Variants in DOCK3 observed in about 807,000 individuals in gnomAD.
The protein encoded by DOCK3 is dedicator of cytokinesis protein 3.
In DOCK3, 60 loss-of-function variants were observed where a neutral mutation model predicts 265.6. The ratio of observed to expected loss-of-function variants is 0.23; its 90% CI spans 0.18 to 0.28. DOCK3 has a LOEUF of 0.28. Ranked by LOEUF, DOCK3 falls within the 10% of genes least tolerant of loss-of-function variation. DOCK3 has a pLI of 1.00. For synonymous variants in DOCK3, 881 were observed against 938.0 expected, an observed-to-expected ratio of 0.94 and a Z score of 1.11; for missense variants, 1,981 against 2,594.3, an observed-to-expected ratio of 0.76 and a Z score of 5.14.
chr3:50,743,477 C>A, intron 1 of DOCK3, among the ~76,000 whole-genome samples: 1 of 146,752 alleles, frequency 6.8e-6, no homozygotes, highest in African/African-American at 2.5e-5. Context: ...CACATAGGCT[C>A]AAAATAAAAG....
At chr3:51,115,274 G>A (rs6446118) in intron 9 of DOCK3, among the ~76,000 whole-genome samples, 137,230 of 152,240 alleles carry the variant, frequency 0.9, 62,045 homozygotes, top group African/African-American at 0.95. Flanking sequence ...GTGCGAAAGC[G>A]TCCCTATCTT....
At chr3:50,957,335 A>G (rs775539870) in intron 5 of DOCK3, among the ~76,000 whole-genome samples, 13 of 152,210 alleles carry the variant, frequency 8.5e-5, no homozygotes, top group Non-Finnish European at 1.5e-4. Flanking sequence ...GATATTTAAG[A>G]TAAAATAACT....
chr3:51,017,120 C>G (rs1181439366), intron 5 of DOCK3, among the ~76,000 whole-genome samples: 1 of 149,038 alleles, frequency 6.7e-6, no homozygotes, highest in Non-Finnish European at 1.5e-5. Context: ...TTGTATGTGT[C>G]TAGGAATTTA....
chr3:50,912,911 G>C (rs1465486445), intron 4 of DOCK3, among the ~76,000 whole-genome samples: 1 of 152,016 alleles, frequency 6.6e-6, no homozygotes, highest in South Asian at 2.1e-4. Context: ...TCCTGGAATC[G>C]AGGGCCCCTA....
chr3:51,026,433 G>GTTTTTTTTTTTTTTTTT (rs34722593), intron 5 of DOCK3, among the ~76,000 whole-genome samples: 2 of 140,228 alleles, frequency 1.4e-5, no homozygotes. Flanking sequence ...TTGGCCTGTA[G>GTTTTTTTTTTTTTTTTT]TTTTTTTTTT....
rs116587301 is a variant in DOCK3 at position 51,289,331 on chromosome 3, A to G, written c.2922+9127A>G. 6.6e-5 allele frequency among the ~76,000 whole-genome samples: 10 copies of G among 152,298 alleles called. No homozygotes were observed. In the South Asian group the frequency reaches 1.7e-3, roughly 25 times the overall value. On this transcript the variant is annotated intron_variant, in intron 27 of 52. Coordinates refer to ENST00000266037, the MANE Select transcript of DOCK3 (RefSeq NM_004947.5). ...TTAAAGTATAGAGTTTCTTTATGCA[A>G]TCAAAGTTGTTATCAGCCTAAAATG...
At chr3:50,722,589 T>C (rs906907957) in intron 1 of DOCK3, among the ~76,000 whole-genome samples, 4 of 152,072 alleles carry the variant, frequency 2.6e-5, no homozygotes, top group African/African-American at 9.7e-5. Context: ...AGACATGCCA[T>C]GAAGGAGGAT....
chr3:51,200,020 A>G (rs1341312449), intron 12 of DOCK3, among the ~76,000 whole-genome samples: 1 of 152,116 alleles, frequency 6.6e-6, no homozygotes, highest in East Asian at 1.9e-4. Flanking sequence ...CATCCACACC[A>G]AAAACCCATC....
chr3:50,784,700 T>C (rs2042096951), intron 2 of DOCK3, among the ~76,000 whole-genome samples: 1 of 152,254 alleles, frequency 6.6e-6, no homozygotes, highest in African/African-American at 2.4e-5. Flanking sequence ...CAGTGTTTTA[T>C]AGTTTTCCTT....
At chr3:51,231,168 G>T (rs2090533962) in intron 19 of DOCK3, among the ~76,000 whole-genome samples, 1 of 104,890 alleles carries the variant, frequency 9.5e-6, no homozygotes, top group Non-Finnish European at 1.7e-5. Flanking sequence ...TTGCCCTGTT[G>T]CTCAGGCTGG....
At chr3:50,808,774 T>C (rs372179023) in intron 2 of DOCK3, among the ~76,000 whole-genome samples, 2 of 152,218 alleles carry the variant, frequency 1.3e-5, no homozygotes, top group African/African-American at 4.8e-5. Flanking sequence ...CGTGGAGATA[T>C]ATCATCCACT....
At chr3:51,285,503 T>C (rs1447025475) in intron 27 of DOCK3, among the ~76,000 whole-genome samples, 1 of 151,374 alleles carries the variant, frequency 6.6e-6, no homozygotes, top group Non-Finnish European at 1.5e-5. Context: ...ATCATAGAGC[T>C]GAAGAATACT....
intron 5 of DOCK3, among the ~76,000 whole-genome samples, chr3:50,948,070 A>T (rs1319781329): frequency 3.0e-5 from 3 of 100,484 alleles, no homozygotes; most frequent in African/African-American, 3.6e-5. Flanking sequence ...TATTATTATT[A>T]TTTTGAGGCA....
chr3:51,140,751 T>G (rs1338607165), intron 9 of DOCK3, among the ~76,000 whole-genome samples: 1 of 152,186 alleles, frequency 6.6e-6, no homozygotes, highest in African/African-American at 2.4e-5. Flanking sequence ...CATTTCCTTG[T>G]CAGCACTTAT....
intron 3 of DOCK3, among the ~76,000 whole-genome samples, chr3:50,870,286 G>T (rs1342594209): frequency 6.6e-6 from 1 of 152,026 alleles, no homozygotes; most frequent in African/African-American, 2.4e-5. Flanking sequence ...TGGTATATTT[G>T]TGTTCTCCAG....
At chr3:50,770,798 G>T (rs1343941361) in intron 1 of DOCK3, among the ~76,000 whole-genome samples, 1 of 152,188 alleles carries the variant, frequency 6.6e-6, no homozygotes, top group Non-Finnish European at 1.5e-5. Flanking sequence ...TAGGGTTAGA[G>T]TTAAGGTTAA....
intron 12 of DOCK3, among the ~76,000 whole-genome samples, chr3:51,189,733 TG>T (rs1473496124): frequency 6.6e-6 from 1 of 152,238 alleles, no homozygotes; most frequent in Non-Finnish European, 1.5e-5. Flanking sequence ...CATATGCAAG[TG>T]TCTTTTTGGT....
At chr3:50,911,277 TA>T (rs2049839807) in intron 4 of DOCK3, among the ~76,000 whole-genome samples, 1 of 152,132 alleles carries the variant, frequency 6.6e-6, no homozygotes, top group Non-Finnish European at 1.5e-5. Context: ...CTTCTAGTGG[TA>T]TCATAGTTTC....
intron 4 of DOCK3, among the ~76,000 whole-genome samples, chr3:50,904,097 C>G (rs936775066): frequency 6.6e-6 from 1 of 152,156 alleles, no homozygotes; most frequent in Non-Finnish European, 1.5e-5. Flanking sequence ...TGAACTCATC[C>G]TTTCTTATGG....
Sources: gnomAD v4.1 joint callset for allele counts (sites outside exome capture counted in the v4.1 genomes callset) on GRCh38, gnomAD v4.1.1 for gene constraint, MANE v1.5 for transcripts, NCBI Gene and HGNC (gene_info 2026-07-23, HGNC 2026-07-21) for gene names.